CALB1: variants seen among roughly 807,000 people sequenced by gnomAD.
CALB1 encodes calbindin 1.
CALB1 carries 16 observed loss-of-function variants against 46.7 expected under a neutral mutation model. That is an observed-to-expected ratio of 0.34 (90% CI 0.23 to 0.52). CALB1 has a LOEUF of 0.52. Among genes scored for constraint, CALB1 ranks in the 20% least tolerant of loss-of-function variants. CALB1 has a pLI of 0.95. For synonymous variants in CALB1, 90 were observed against 112.8 expected, an observed-to-expected ratio of 0.80 and a Z score of 1.28; for missense variants, 224 against 300.3, an observed-to-expected ratio of 0.75 and a Z score of 1.88.
chr8:90,072,335 T>C (rs192466479), intron 3 of CALB1, among the ~76,000 whole-genome samples: 1 of 152,342 alleles, frequency 6.6e-6, no homozygotes, highest in East Asian at 1.9e-4. Context: ...TCATGTCTAC[T>C]ATAAATGTGT....
At chr8:90,063,253 T>C in intron 8 of CALB1, 28 bp downstream of exon 8, 1 of 1,568,292 alleles carries the variant, frequency 6.4e-7, no homozygotes, top group South Asian at 1.1e-5. Context: ...AAGGAAAATA[T>C]TATTTAAGGT....
chr8:90,066,346 C>T (rs186993000), intron 5 of CALB1, among the ~76,000 whole-genome samples: 56 of 152,078 alleles, frequency 3.7e-4, no homozygotes, highest in Middle Eastern at 6.8e-3. Flanking sequence ...GATTGTTCTG[C>T]AAGAAACACA....
Position 90,071,338 on chromosome 8 carries a change from A to T in CALB1, c.232-2101T>A, listed in dbSNP as rs183181474. On this transcript the variant is annotated intron_variant, in intron 3 of 10. Transcript: ENST00000265431. ...TCCTAGTGGAAAGTAGCTATAAATG[A>T]TTTTCATTATAAAGTATCCAGATAT... 3.5e-4 allele frequency among the ~76,000 whole-genome samples: 53 copies of T among 152,052 alleles called. No individual in the cohort carries two copies. The East Asian group carries it at 8.7e-3, about 25-fold the overall frequency.
rs1051034643 is a variant in CALB1 at position 90,059,954 on chromosome 8, C to T, written c.*219G>A. 6.8e-6 allele frequency: 3 copies of T among 441,096 alleles called. No homozygotes were observed. The highest frequency in any genetic ancestry group is 6.0e-5 in the African/African-American group (3 of 49,962). The allele number at this position is 441,096 out of a possible 1,614,324, so 27.3% of individuals were successfully genotyped here. A position where few individuals can be genotyped will look rare whatever the true frequency, so the allele number is the denominator to read the frequency against. On this transcript the variant is annotated 3_prime_UTR_variant, in exon 11 of 11. Transcript: ENST00000265431. ...TTTAAAATTGGGTGTACTGACTGGC[C>T]TAAGCATAGACTTTCTTCTTTTCAA...
Position 90,082,832 on chromosome 8 carries a change from C to T in CALB1, c.-135G>A. ...ACCTGGGCGCGGGCGCTGCCGGGCG[C>T]TGTCCTCGGTGCTGCTCAGCTCAGC... On this transcript the variant is annotated 5_prime_UTR_variant, in exon 1 of 11. Transcript: ENST00000265431. 1 of 783,508 alleles carries T rather than the reference C, an allele frequency of 1.3e-6. No individual in the cohort carries two copies. The highest frequency in any genetic ancestry group is 1.9e-5 in the Admixed American group (1 of 52,898). The allele number at this position is 783,508 out of a possible 1,614,324, so 48.5% of individuals were successfully genotyped here. A position where few individuals can be genotyped will look rare whatever the true frequency, so the allele number is the denominator to read the frequency against.
At chr8:90,067,724 C>T (rs889998206) in intron 5 of CALB1, among the ~76,000 whole-genome samples, 10 of 152,102 alleles carry the variant, frequency 6.6e-5, no homozygotes, top group Non-Finnish European at 7.4e-5. Context: ...AAGAGCAGCT[C>T]TTAATAAATG....
Position 90,078,362 on chromosome 8 carries a change from A to G in CALB1, c.231+11T>C. The stretch of plus-strand genomic sequence containing the variant: ...TTAAAATTAAATCAGAAAAATGCAT[A>G]AATTCCTTACCTCTACAATTCCTAT... On this transcript the variant is annotated intron_variant, in intron 3 of 10. Coordinates refer to ENST00000265431, the MANE Select transcript of CALB1 (RefSeq NM_004929.4). 1 of 1,524,374 alleles carries G rather than the reference A, an allele frequency of 6.6e-7. No homozygotes were observed. Among genetic ancestry groups the G allele is most frequent in the East Asian group, 2.3e-5 (1 of 44,000 alleles). The allele number at this position is 1,524,374 out of a possible 1,614,324, so 94.4% of individuals were successfully genotyped here.
chr8:90,075,865 C>G (rs1312099867), intron 3 of CALB1, among the ~76,000 whole-genome samples: 2 of 152,040 alleles, frequency 1.3e-5, no homozygotes, highest in African/African-American at 4.8e-5. Flanking sequence ...ACTCCTATGT[C>G]TTGGCTGATA....
intron 1 of CALB1, 160 bp downstream of exon 1, chr8:90,082,459 G>A (rs1242951370): frequency 9.0e-6 from 6 of 663,278 alleles, no homozygotes; most frequent in Non-Finnish European, 1.6e-5. Context: ...TGACAGTTTG[G>A]CGGCCAGTCG....
In CALB1 at chr8:90,063,121, C is replaced by T. The variant is rs1814333234; in HGVS notation, c.579G>A (p.Lys193=). Residue 193 remains lysine (K), a synonymous_variant, in exon 9 of 11, where the codon AAG becomes AAA. Transcript: ENST00000265431. Reference sequence around the variant, plus strand: ...TTACCTGATCATACAGCTCAAAAGCCTTATTGAACTCTTTCCCACACATTT... The same window carrying T: ...TTACCTGATCATACAGCTCAAAAGCTTTATTGAACTCTTTCCCACACATTT... ...GIKMCGKEFN[K]AFELYDQDGN... 1 of 1,608,738 alleles carries T rather than the reference C, an allele frequency of 6.2e-7. No individual in the cohort carries two copies. Among genetic ancestry groups the T allele is most frequent in the Non-Finnish European group, 8.5e-7 (1 of 1,176,196 alleles).
At chr8:90,060,786 T>TA in intron 9 of CALB1, 86 bp from the exon 10 acceptor site, 1 of 1,128,652 alleles carries the variant, frequency 8.9e-7, no homozygotes, top group Non-Finnish European at 1.3e-6. Context: ...TTGGAATCCT[T>TA]AGAAAGTCTC....
chr8:90,078,572 T>G (rs1299284557), intron 2 of CALB1, 125 bp from the exon 3 acceptor site: 2 of 590,114 alleles, frequency 3.4e-6, no homozygotes, highest in Non-Finnish European at 6.0e-6. Flanking sequence ...GCATAATGAT[T>G]AACTATTCTC....
chr8:90,070,271 A>C (rs1036114306), intron 3 of CALB1, among the ~76,000 whole-genome samples: 2 of 152,058 alleles, frequency 1.3e-5, no homozygotes, highest in Non-Finnish European at 2.9e-5. Flanking sequence ...ATCTACACAC[A>C]CTATATTTCA....
At chr8:90,070,149 A>G (rs1315312969) in intron 3 of CALB1, among the ~76,000 whole-genome samples, 2 of 152,176 alleles carry the variant, frequency 1.3e-5, no homozygotes, top group Non-Finnish European at 2.9e-5. Context: ...TCTGGACTTC[A>G]GTACCCTCAT....
intron 3 of CALB1, among the ~76,000 whole-genome samples, chr8:90,070,027 T>A (rs1188635893): frequency 6.6e-6 from 1 of 151,568 alleles, no homozygotes. Flanking sequence ...TTATGACTAA[T>A]CTATTGCGTA....
chr8:90,077,295 T>C (rs1019247595), intron 3 of CALB1, among the ~76,000 whole-genome samples: 1 of 151,986 alleles, frequency 6.6e-6, no homozygotes, highest in African/African-American at 2.4e-5. Flanking sequence ...TAATAGTATG[T>C]CCTCTCTTAA....
intron 3 of CALB1, among the ~76,000 whole-genome samples, chr8:90,069,994 A>G (rs1282125636): frequency 6.7e-6 from 1 of 150,336 alleles, no homozygotes; most frequent in African/African-American, 2.5e-5. Context: ...TTTTTGGAAG[A>G]AAAAAGGATT....
rs762293088 is a variant in CALB1, at chr8:90,078,394, A to G, written c.210T>C (p.Asp70=). 4 of 1,590,186 alleles carry G rather than the reference A, an allele frequency of 2.5e-6. No individual in the cohort carries two copies. Among genetic ancestry groups the G allele is most frequent in the Non-Finnish European group, 3.4e-6 (4 of 1,165,086 alleles). Residue 70 remains aspartate, a synonymous_variant, in exon 3 of 11, where the codon GAT becomes GAC. Transcript: ENST00000265431. ...TFVDQYGQRD[D]GKIGIVELAH... is the part of the protein sequence containing the mutation. ...TTACCTCTACAATTCCTATTTTTCC[A>G]TCATCTCTTTGCCCATACTGATCCA... is the stretch of plus-strand genomic sequence containing the variant.
In CALB1 at chr8:90,082,091, G is replaced by A. The variant is rs764354736; in HGVS notation, c.91C>T (p.Leu31=). Reference sequence around the variant, plus strand: ...AAGTTCTGCAGCTCCTTTCCTTCCAGGTAACCACTTCCTGCAAAGACAAAG... The same window carrying A: ...AAGTTCTGCAGCTCCTTTCCTTCCAAGTAACCACTTCCTGCAAAGACAAAG... The part of the protein sequence containing the change: ...LHFDADGSGY[L]EGKELQNLIQ... Residue 31 remains leucine (L), a synonymous_variant, in exon 2 of 11, where the codon CTG becomes TTG. Transcript: ENST00000265431. 1.9e-6 allele frequency: 3 copies of A among 1,613,822 alleles called. No individual in the cohort carries two copies. The Admixed American group carries it at 5.0e-5, about 27-fold the overall frequency.
Sources: gnomAD v4.1 joint callset for allele counts (sites outside exome capture counted in the v4.1 genomes callset) on GRCh38, gnomAD v4.1.1 for gene constraint, MANE v1.5 for transcripts, NCBI Gene and HGNC (gene_info 2026-07-23, HGNC 2026-07-21) for gene names.